Variants in CEP83 observed in about 807,000 individuals in gnomAD.
CEP83 encodes centrosomal protein 83, also known as centrosomal protein of 83 kDa.
In CEP83, 70 loss-of-function variants were observed where a neutral mutation model predicts 101.9. That is an observed-to-expected ratio of 0.69 (90% CI 0.57 to 0.84). CEP83 has a LOEUF of 0.84. Among genes scored for constraint, CEP83 ranks in the 40% least tolerant of loss-of-function variants. The pLI, the probability that CEP83 is intolerant of heterozygous loss-of-function variation, is 0.00. For synonymous variants in CEP83, 264 were observed against 267.9 expected (o/e 0.99, Z 0.14); for missense variants, 715 against 787.2 (o/e 0.91, Z 1.10).
intron 8 of CEP83, among the ~76,000 whole-genome samples, chr12:94,371,797 T>C (rs1293338776): frequency 1.3e-5 from 2 of 152,146 alleles, no homozygotes; most frequent in East Asian, 3.9e-4. Context: ...CAAAAGGTCC[T>C]GAAAACGTTT....
chr12:94,363,424 G>C (rs564451237), intron 11 of CEP83, among the ~76,000 whole-genome samples: 1 of 152,182 alleles, frequency 6.6e-6, no homozygotes, highest in African/African-American at 2.4e-5. Flanking sequence ...GAAGAAAATA[G>C]AATGGCAGTT....
chr12:94,403,056 T>C, intron 5 of CEP83, 114 bp downstream of exon 5: 1 of 597,280 alleles, frequency 1.7e-6, no homozygotes, highest in Non-Finnish European at 3.0e-6. Flanking sequence ...GCCACTGCAA[T>C]GACTGAGTAA....
rs11107540 is a variant in CEP83 at position 94,448,186 on chromosome 12, G to C, written c.-155+11371C>G. Among the ~76,000 whole-genome samples, 102 of 151,990 alleles carry C rather than the reference G, an allele frequency of 6.7e-4. No homozygotes were observed. The East Asian group carries it at 0.018, about 26-fold the overall frequency. ...AGTGGCTATAGTACCAAGAAAAATA[G>C]ATTTTAAGATAAGAAATATTACAGA... On this transcript the variant is annotated intron_variant, in intron 1 of 16. Transcript: ENST00000397809.
intron 1 of CEP83, among the ~76,000 whole-genome samples, chr12:94,456,184 A>G (rs2067665238): frequency 6.6e-6 from 1 of 152,216 alleles, no homozygotes; most frequent in African/African-American, 2.4e-5. Context: ...AAATTGACCA[A>G]ACTCCCCAAG....
chr12:94,368,573 T>C (rs12231228), intron 9 of CEP83: 6,292 of 162,318 alleles, frequency 0.039, 149 homozygotes, highest in East Asian at 0.073. Flanking sequence ...AGCTGGCTGA[T>C]AGCAGAGTGA....
chr12:94,360,574 A>G (rs992023066), intron 11 of CEP83, among the ~76,000 whole-genome samples: 1 of 152,050 alleles, frequency 6.6e-6, no homozygotes, highest in African/African-American at 2.4e-5. Flanking sequence ...CTCTAAAAGG[A>G]AAACTATAAA....
At chr12:94,412,700 T>TC (rs1022877274) in intron 2 of CEP83, 109 bp from the exon 3 acceptor site, 2 of 361,382 alleles carry the variant, frequency 5.5e-6, no homozygotes, top group African/African-American at 4.5e-5. Flanking sequence ...TTTCTTTTTT[T>TC]TTTTTTTTTG....
At chr12:94,345,005 AC>A (rs1242749373) in intron 11 of CEP83, among the ~76,000 whole-genome samples, 1 of 152,208 alleles carries the variant, frequency 6.6e-6, no homozygotes, top group Non-Finnish European at 1.5e-5. Context: ...AAATAGACTC[AC>A]ACCTGTAATT....
intron 11 of CEP83, 137 bp from the exon 12 acceptor site, chr12:94,335,801 C>G (rs4761605): frequency 1.4e-5 from 9 of 642,664 alleles, no homozygotes; most frequent in South Asian, 1.3e-4. Context: ...CTTCAAGAAA[C>G]TAGGTTGTGT....
chr12:94,345,686 TCTG>T, intron 11 of CEP83, among the ~76,000 whole-genome samples: 1 of 152,228 alleles, frequency 6.6e-6, no homozygotes, highest in Non-Finnish European at 1.5e-5. Flanking sequence ...GACCCGCATT[TCTG>T]AAGGGGTCCT....
chr12:94,367,255 A>C (rs1432702617), intron 11 of CEP83, among the ~76,000 whole-genome samples: 1 of 152,152 alleles, frequency 6.6e-6, no homozygotes, highest in Non-Finnish European at 1.5e-5. Context: ...AAAGGGAAAA[A>C]ATAGTAATTT....
the CEP83 span, chr12:94,272,404 ACCAGCCATCTT>A: frequency 6.6e-6 from 1 of 152,378 alleles, no homozygotes; most frequent in African/African-American, 2.4e-5. Flanking sequence ...GCAGATGGTC[ACCAGCCATCTT>A]TTAAGGAAGT....
chr12:94,373,306 T>C (rs1411911279), intron 8 of CEP83, among the ~76,000 whole-genome samples: 1 of 152,188 alleles, frequency 6.6e-6, no homozygotes, highest in Non-Finnish European at 1.5e-5. Context: ...ATTCAGATAT[T>C]ACTAACAAAA....
chr12:94,390,332 A>G (rs1211507293), intron 6 of CEP83, among the ~76,000 whole-genome samples: 2 of 152,196 alleles, frequency 1.3e-5, no homozygotes, highest in African/African-American at 4.8e-5. Flanking sequence ...CCAGGCAAAC[A>G]GGGTCTGGAG....
chr12:94,390,406 A>C (rs2062446892), intron 6 of CEP83, among the ~76,000 whole-genome samples: 1 of 152,202 alleles, frequency 6.6e-6, no homozygotes, highest in Admixed American at 6.5e-5. Context: ...AGGAAAACTA[A>C]CAAACAGAAA....
Position 94,314,163 on chromosome 12 carries a change from C to T in CEP83, c.1708-1146G>A, listed in dbSNP as rs141180333. Among the ~76,000 whole-genome samples the T allele has an allele frequency of 2.6e-3, 400 of 152,072 alleles. 2 individuals are homozygous for T. The highest frequency in any genetic ancestry group is 9.4e-3 in the African/African-American group (388 of 41,474). ...CCTTTTGTTTTTTAATAGAAAAACACCTAAAATGTTAAAACTCATTTAGTC... is the reference window on the plus strand; with the variant it reads ...CCTTTTGTTTTTTAATAGAAAAACATCTAAAATGTTAAAACTCATTTAGTC... On this transcript the variant is annotated intron_variant, in intron 14 of 16. Transcript: ENST00000397809.
At chr12:94,338,963 T>C (rs1044632015) in intron 11 of CEP83, among the ~76,000 whole-genome samples, 7 of 151,786 alleles carry the variant, frequency 4.6e-5, no homozygotes, top group African/African-American at 1.5e-4. Flanking sequence ...CTATTTCTTT[T>C]TTTTTTTTTC....
At position 94,450,745 on chromosome 12, in the gene CEP83, T is replaced by C. The variant is rs545182204; in HGVS notation, c.-155+8812A>G. Among the ~76,000 whole-genome samples, 10 of 152,340 alleles carry C rather than the reference T, an allele frequency of 6.6e-5. No individual in the cohort carries two copies. The South Asian group carries it at 1.0e-3, about 16-fold the overall frequency. On this transcript the variant is annotated intron_variant, in intron 1 of 16. Transcript: ENST00000397809. ...TAAATGGAGAGATATTACATGTTCA[T>C]GGATTGGAAGACTCAAGATGGTTAA...
chr12:94,271,365 G>T, the CEP83 span, among the ~76,000 whole-genome samples: 1 of 152,204 alleles, frequency 6.6e-6, no homozygotes, highest in South Asian at 2.1e-4. Context: ...CTTCCCATGT[G>T]GGAAAAGACC....
Sources: gnomAD v4.1 joint callset for allele counts (sites outside exome capture counted in the v4.1 genomes callset) on GRCh38, gnomAD v4.1.1 for gene constraint, MANE v1.5 for transcripts, NCBI Gene and HGNC (gene_info 2026-07-23, HGNC 2026-07-21) for gene names.